Variants in GLI3 observed in about 807,000 individuals in gnomAD.
GLI3 encodes the protein GLI family zinc finger 3.
In GLI3, 20 loss-of-function variants were observed where a neutral mutation model predicts 100.8. The observed-to-expected ratio is 0.20, with a 90% CI of 0.14 to 0.29. GLI3 has a LOEUF of 0.29. GLI3 is among the 10% of genes least tolerant of loss of function. The probability of loss-of-function intolerance (pLI) is 1.00; values close to 1 mark genes in which losing one functional copy is unlikely to be tolerated. For synonymous variants in GLI3, 938 were observed against 860.5 expected (o/e 1.09, Z -1.58); for missense variants, 2,040 against 2,128.5 (o/e 0.96, Z 0.82).
intron 1 of GLI3, among the ~76,000 whole-genome samples, chr7:42,235,939 G>C (rs1028423380): frequency 2.6e-5 from 4 of 152,184 alleles, no homozygotes; most frequent in African/African-American, 7.2e-5. Context: ...GTCTGCACTG[G>C]GGAGATGAGA....
chr7:42,222,893 C>T (rs1788512585), intron 2 of GLI3: 3 of 490,924 alleles, frequency 6.1e-6, no homozygotes, highest in South Asian at 6.1e-5. Flanking sequence ...AATAAATAAC[C>T]TATCACATTT....
At chr7:42,127,965 G>A (rs937038807) in intron 3 of GLI3, among the ~76,000 whole-genome samples, 1 of 147,982 alleles carries the variant, frequency 6.8e-6, no homozygotes, top group Non-Finnish European at 1.5e-5. Context: ...GTTGCAGTGA[G>A]CCATGATCGA....
intron 7 of GLI3, among the ~76,000 whole-genome samples, chr7:42,026,727 C>A (rs543562233): frequency 6.6e-6 from 1 of 152,336 alleles, no homozygotes; most frequent in East Asian, 1.9e-4. Context: ...TGGGTGACTA[C>A]ATGCTTTATA....
chr7:42,180,961 C>T (rs1458682209), intron 2 of GLI3, among the ~76,000 whole-genome samples: 6 of 152,162 alleles, frequency 3.9e-5, no homozygotes, highest in Non-Finnish European at 8.8e-5. Context: ...GGACTGGGGG[C>T]TGGCAAAGCT....
rs138100963 is a variant in GLI3, at chr7:41,964,646, T to A, written c.4427A>T (p.Asn1476Ile). The A allele has an allele frequency of 6.0e-5, 96 of 1,613,084 alleles. No homozygotes were observed. The highest frequency in any genetic ancestry group is 7.5e-5 in the Non-Finnish European group (88 of 1,179,314). Residue 1476 changes from asparagine to isoleucine, a missense_variant, in exon 15 of 15, where the codon AAC becomes ATC. This residue lies in a region of GLI3 where 1,041 missense variants were observed against 924.0 expected (regional missense o/e 1.13). Transcript: ENST00000395925. Reference sequence around the variant, plus strand: ...AGCACCTGGGGAAAGTAACTCAGAGTTTTTGGCGCTGGTCCCCTGTAGCAG... The same window carrying A: ...AGCACCTGGGGAAAGTAACTCAGAGATTTTGGCGCTGGTCCCCTGTAGCAG... ...SCLLQGTSAK[N>I]SELLSPGANQ... is the part of the protein sequence containing the mutation.
rs929386 is a variant in GLI3 at position 42,012,928 on chromosome 7, G to A, written c.1497+10540C>T. ...TCCTCTTCACAAACTGGGCTCTCCCGCATGTCCTAGAGAGCTCCTTGGGAC... is the reference window on the plus strand; with the variant it reads ...TCCTCTTCACAAACTGGGCTCTCCCACATGTCCTAGAGAGCTCCTTGGGAC... On this transcript the variant is annotated intron_variant, in intron 10 of 14. Coordinates refer to ENST00000395925, the MANE Select transcript of GLI3 (RefSeq NM_000168.6). 6.0e-3 allele frequency among the ~76,000 whole-genome samples: 910 copies of A among 152,284 alleles called. 5 individuals carry two copies. Among genetic ancestry groups the A allele is most frequent in the African/African-American group, 0.02 (837 of 41,544 alleles).
At chr7:42,127,973 C>T (rs560730885) in intron 3 of GLI3, among the ~76,000 whole-genome samples, 2 of 145,420 alleles carry the variant, frequency 1.4e-5, no homozygotes, top group East Asian at 4.0e-4. Context: ...GAGCCATGAT[C>T]GAGCCACCAC....
intron 3 of GLI3, among the ~76,000 whole-genome samples, chr7:42,114,262 G>C (rs1294531132): frequency 6.6e-6 from 1 of 152,194 alleles, no homozygotes; most frequent in African/African-American, 2.4e-5. Context: ...CCTGTTCAGA[G>C]CATCAGATGA....
chr7:42,094,625 C>T (rs913459016), intron 3 of GLI3, among the ~76,000 whole-genome samples: 2 of 151,696 alleles, frequency 1.3e-5, no homozygotes, highest in Middle Eastern at 6.8e-3. Flanking sequence ...TCCCAGCTAC[C>T]CGAGAGGCTG....
At chr7:42,069,439 C>G (rs1784743194) in intron 4 of GLI3, among the ~76,000 whole-genome samples, 1 of 152,120 alleles carries the variant, frequency 6.6e-6, no homozygotes, top group South Asian at 2.1e-4. Context: ...TATGAGGAAA[C>G]TATGTATGTA....
At chr7:42,061,839 G>A (rs749063785) in intron 4 of GLI3, among the ~76,000 whole-genome samples, 1 of 152,040 alleles carries the variant, frequency 6.6e-6, no homozygotes, top group Non-Finnish European at 1.5e-5. Flanking sequence ...CTACATAAGG[G>A]GATACTTTTC....
At position 42,057,916 on chromosome 7, in the gene GLI3, TA is replaced by T. The variant is rs558331698; in HGVS notation, c.474-9221del. 7.2e-5 allele frequency among the ~76,000 whole-genome samples: 11 copies of T among 152,044 alleles called. No individual in the cohort carries two copies. In the East Asian group the frequency reaches 2.1e-3, roughly 29 times the overall value. On this transcript the variant is annotated intron_variant, in intron 4 of 14. Transcript: ENST00000395925. The stretch of plus-strand genomic sequence containing the variant: ...GGGGTCAGCGGAGGGGAATAAAGGA[TA>T]AAAAAACTACATATTGGGTACAATG...
At chr7:42,088,757 C>G (rs1785156372) in intron 3 of GLI3, among the ~76,000 whole-genome samples, 1 of 152,196 alleles carries the variant, frequency 6.6e-6, no homozygotes. Context: ...GTCAACAAAC[C>G]TATTCAGCTG....
At chr7:42,008,207 T>C (rs541961578) in intron 10 of GLI3, among the ~76,000 whole-genome samples, 3 of 152,278 alleles carry the variant, frequency 2.0e-5, no homozygotes, top group African/African-American at 7.2e-5. Flanking sequence ...AGGAGCTCCC[T>C]TTCCCCTGGG....
intron 9 of GLI3, among the ~76,000 whole-genome samples, chr7:42,024,895 A>C (rs76475776): frequency 0.062 from 9,470 of 152,250 alleles, 425 homozygotes; most frequent in Non-Finnish European, 0.096. Flanking sequence ...CCAGGAGCTC[A>C]ATAATTCAGG....
At chr7:41,983,286 G>A (rs1242884653) in intron 10 of GLI3, among the ~76,000 whole-genome samples, 2 of 152,250 alleles carry the variant, frequency 1.3e-5, no homozygotes, top group East Asian at 3.9e-4. Context: ...CAGTAGGAAG[G>A]ACTGAAAATC....
intron 2 of GLI3, among the ~76,000 whole-genome samples, chr7:42,163,110 T>A (rs549240558): frequency 9.2e-5 from 14 of 151,506 alleles, no homozygotes; most frequent in African/African-American, 3.4e-4. Context: ...AATACTGACC[T>A]CCTTCTGTAA....
intron 10 of GLI3, among the ~76,000 whole-genome samples, chr7:42,001,867 T>A (rs995786296): frequency 2.0e-5 from 3 of 152,190 alleles, no homozygotes; most frequent in South Asian, 4.1e-4. Context: ...AAAAAATTTT[T>A]AAATTATAAA....
At chr7:41,984,300 T>C (rs756391523) in intron 10 of GLI3, among the ~76,000 whole-genome samples, 6 of 152,126 alleles carry the variant, frequency 3.9e-5, no homozygotes, top group Non-Finnish European at 7.4e-5. Flanking sequence ...TTCCTAACCC[T>C]CCAGATGAAA....
Sources: allele counts gnomAD v4.1 joint callset (sites outside exome capture counted in the v4.1 genomes callset), GRCh38; gene constraint gnomAD v4.1.1; regional missense constraint gnomAD v4.1.1; transcripts MANE v1.5; gene names NCBI Gene and HGNC (gene_info 2026-07-23, HGNC 2026-07-21).